The following MACROD2 variants were observed in gnomAD, a reference collection of about 807,000 sequenced individuals.
MACROD2 encodes the protein ADP-ribose glycohydrolase MACROD2.
A neutral mutation model predicts 70.4 loss-of-function variants in MACROD2; 36 were observed. The ratio of observed to expected loss-of-function variants is 0.51; its 90% CI spans 0.39 to 0.68. MACROD2 has a LOEUF of 0.68. MACROD2 is among the 30% of genes least tolerant of loss of function. The probability of loss-of-function intolerance (pLI) is 0.00; values close to 1 mark genes in which losing one functional copy is unlikely to be tolerated. For synonymous variants in MACROD2, 172 were observed against 178.8 expected (o/e 0.96, Z 0.30); for missense variants, 496 against 538.4 (o/e 0.92, Z 0.78).
chr20:15,852,522 A>G (rs6043579), intron 8 of MACROD2, among the ~76,000 whole-genome samples: 4,307 of 152,314 alleles, frequency 0.028, 217 homozygotes, highest in African/African-American at 0.098. Flanking sequence ...TAATTTGGAG[A>G]TTGAAGTAGC....
rs145999001 is a variant in MACROD2, at chr20:15,611,055, G to C, written c.645+111208G>C. 3.5e-3 allele frequency among the ~76,000 whole-genome samples: 425 copies of C among 120,854 alleles called. 1 individual carries two copies. Among genetic ancestry groups the C allele is most frequent in the African/African-American group, 0.013 (408 of 30,390 alleles). 79.3% of individuals were successfully genotyped at this position (120,854 alleles called of 152,430 possible). On this transcript the variant is annotated intron_variant, in intron 8 of 17. Coordinates refer to ENST00000684519, the MANE Select transcript of MACROD2 (RefSeq NM_001351661.2). ...AAAGTCCACTCTGCCCTCTCAGTCT[G>C]CCAATACCCATGGATCATGATTGCT...
chr20:15,387,018 G>T (rs535695552), intron 6 of MACROD2, among the ~76,000 whole-genome samples: 36 of 152,134 alleles, frequency 2.4e-4, no homozygotes, highest in African/African-American at 8.7e-4. Context: ...AAAGTATTCA[G>T]CACAGTGAGA....
intron 5 of MACROD2, among the ~76,000 whole-genome samples, chr20:14,915,187 A>G (rs2074076415): frequency 6.6e-6 from 1 of 152,228 alleles, no homozygotes; most frequent in Non-Finnish European, 1.5e-5. Context: ...AGCTCTAGAA[A>G]GGTGTAACAA....
chr20:15,451,425 A>T (rs1339964040), intron 7 of MACROD2, among the ~76,000 whole-genome samples: 1 of 140,648 alleles, frequency 7.1e-6, no homozygotes, highest in Non-Finnish European at 1.5e-5. Flanking sequence ...AATAAAAAAA[A>T]AAAAAAAAAA....
chr20:15,475,434 G>T (rs902618849), intron 7 of MACROD2, among the ~76,000 whole-genome samples: 2 of 152,234 alleles, frequency 1.3e-5, no homozygotes, highest in Admixed American at 1.3e-4. Flanking sequence ...AGGAATGAAA[G>T]GTGGGGACAA....
intron 5 of MACROD2, among the ~76,000 whole-genome samples, chr20:14,733,717 A>G (rs140762391): frequency 0.013 from 1,921 of 152,346 alleles, 51 homozygotes; most frequent in African/African-American, 0.043. Flanking sequence ...CAATTATAAA[A>G]GCTTTGATGC....
chr20:14,265,000 A>G (rs1211015896), intron 3 of MACROD2, among the ~76,000 whole-genome samples: 1 of 152,170 alleles, frequency 6.6e-6, no homozygotes, highest in Non-Finnish European at 1.5e-5. Flanking sequence ...AAGTCCTTGT[A>G]GGTTTTGGAG....
At chr20:14,608,735 T>C (rs1289426580) in intron 4 of MACROD2, among the ~76,000 whole-genome samples, 2 of 152,118 alleles carry the variant, frequency 1.3e-5, no homozygotes, top group Non-Finnish European at 2.9e-5. Flanking sequence ...ATTTGGATTA[T>C]ATAACTTTAA....
intron 4 of MACROD2, among the ~76,000 whole-genome samples, chr20:14,579,556 C>T (rs1265979591): frequency 1.3e-5 from 2 of 152,090 alleles, no homozygotes; most frequent in East Asian, 3.9e-4. Context: ...AAAACCGTTT[C>T]GATATTTGAG....
At chr20:14,753,725 G>T (rs1377923073) in intron 5 of MACROD2, among the ~76,000 whole-genome samples, 1 of 152,038 alleles carries the variant, frequency 6.6e-6, no homozygotes, top group African/African-American at 2.4e-5. Flanking sequence ...CTAGGCAGTT[G>T]CTTTAATAAA....
In MACROD2 at chr20:15,476,570, G is replaced by GCCCC. The variant is rs10596676; in HGVS notation, c.572-23198_572-23195dup. Among the ~76,000 whole-genome samples the GCCCC allele has an allele frequency of 1.6e-3, 237 of 150,084 alleles. 1 individual carries two copies. Among genetic ancestry groups the GCCCC allele is most frequent in the African/African-American group, 5.6e-3 (228 of 40,712 alleles). ...AATTTTAAAACTATATTGTTGTTTT[G>GCCCC]CCCCCCCCCGGTAAGTCTGTCAACT... On this transcript the variant is annotated intron_variant, in intron 7 of 17. Transcript: ENST00000684519.
At chr20:14,732,563 A>G (rs1600600564) in intron 5 of MACROD2, among the ~76,000 whole-genome samples, 2 of 152,150 alleles carry the variant, frequency 1.3e-5, no homozygotes, top group South Asian at 4.1e-4. Flanking sequence ...TGAAACATAA[A>G]CCTTTGCTTT....
intron 10 of MACROD2, among the ~76,000 whole-genome samples, chr20:15,924,367 T>G (rs2065457239): frequency 6.6e-6 from 1 of 152,200 alleles, no homozygotes; most frequent in African/African-American, 2.4e-5. Flanking sequence ...ACACTTGCAC[T>G]CACACATCTA....
intron 5 of MACROD2, among the ~76,000 whole-genome samples, chr20:14,838,580 T>G (rs997290121): frequency 6.6e-6 from 1 of 152,128 alleles, no homozygotes; most frequent in Non-Finnish European, 1.5e-5. Context: ...TAATGCAGAT[T>G]AAATAGCATA....
chr20:14,527,934 A>G lies in MACROD2; in HGVS notation c.301+34426A>G, dbSNP rs181534604. On this transcript the variant is annotated intron_variant, in intron 4 of 17. Transcript: ENST00000684519. ...TGGGCTGGTTAAATAAGCTGAGTAAAATAAGCAGCCCAGCTCACCAAGAAA... is the reference window on the plus strand; with the variant it reads ...TGGGCTGGTTAAATAAGCTGAGTAAGATAAGCAGCCCAGCTCACCAAGAAA... 2.2e-4 allele frequency among the ~76,000 whole-genome samples: 34 copies of G among 152,314 alleles called. 1 individual carries two copies. The highest frequency in any genetic ancestry group is 7.7e-4 in the African/African-American group (32 of 41,576).
At chr20:14,395,670 G>A (rs2122817761) in intron 3 of MACROD2, among the ~76,000 whole-genome samples, 1 of 151,776 alleles carries the variant, frequency 6.6e-6, no homozygotes, top group South Asian at 2.1e-4. Context: ...TTCTTAAAGT[G>A]GCAGCTAGGT....
intron 8 of MACROD2, among the ~76,000 whole-genome samples, chr20:15,599,300 G>A (rs2048787221): frequency 6.6e-6 from 1 of 152,138 alleles, no homozygotes; most frequent in Non-Finnish European, 1.5e-5. Flanking sequence ...GCTGAGGCAG[G>A]GGAATCGCTT....
chr20:15,125,590 T>A (rs1015267865), intron 5 of MACROD2, among the ~76,000 whole-genome samples: 8 of 152,116 alleles, frequency 5.3e-5, no homozygotes, highest in African/African-American at 1.9e-4. Context: ...ATTTTATGTA[T>A]TTGATACCTT....
chr20:14,984,730 G>A (rs1293735455), intron 5 of MACROD2, among the ~76,000 whole-genome samples: 2 of 152,124 alleles, frequency 1.3e-5, no homozygotes, highest in African/African-American at 4.8e-5. Flanking sequence ...AACACATCAA[G>A]AAAATAAGAA....
Sources: gnomAD v4.1 joint callset for allele counts (sites outside exome capture counted in the v4.1 genomes callset) on GRCh38, gnomAD v4.1.1 for gene constraint, MANE v1.5 for transcripts, NCBI Gene and HGNC (gene_info 2026-07-23, HGNC 2026-07-21) for gene names.